The following ROBO2 variants were observed in gnomAD, a reference collection of about 807,000 sequenced individuals.
ROBO2 encodes the protein roundabout homolog 2.
A neutral mutation model predicts 160.8 loss-of-function variants in ROBO2; 53 were observed. That is an observed-to-expected ratio of 0.33 (90% CI 0.26 to 0.41). The LOEUF (loss-of-function observed/expected upper bound fraction) is 0.41, where lower values mean the gene tolerates loss of function less well. ROBO2 is among the 10% of genes least tolerant of loss of function. The pLI is 1.00. For missense variants in ROBO2, 1,577 were observed against 1,722.4 expected (o/e 0.92, Z 1.49); for synonymous variants, 664 against 611.7 (o/e 1.09, Z -1.26).
At chr3:76,172,156 A>G (rs2073062598) in intron 2 of ROBO2, among the ~76,000 whole-genome samples, 1 of 152,022 alleles carries the variant, frequency 6.6e-6, no homozygotes, top group Non-Finnish European at 1.5e-5. Flanking sequence ...TGTCCCTACA[A>G]AGGAGATGAA....
intron 2 of ROBO2, among the ~76,000 whole-genome samples, chr3:77,224,577 G>C (rs1457999339): frequency 2.0e-5 from 3 of 151,866 alleles, no homozygotes; most frequent in African/African-American, 2.4e-5. Flanking sequence ...TTGTATATTT[G>C]AGTTAAATCC....
At chr3:77,635,133 A>T in intron 24 of ROBO2, 90 bp downstream of exon 25, 1 of 1,416,960 alleles carries the variant, frequency 7.1e-7, no homozygotes, top group East Asian at 2.4e-5. Context: ...ATGGTAGATT[A>T]GCCATTGCTT....
At chr3:77,135,385 T>A (rs77180185) in intron 2 of ROBO2, among the ~76,000 whole-genome samples, 2,621 of 152,102 alleles carry the variant, frequency 0.017, 60 homozygotes, top group African/African-American at 0.058. Context: ...TCCAGAGAAA[T>A]CAATCTCTTT....
intron 2 of ROBO2, among the ~76,000 whole-genome samples, chr3:76,515,389 T>A (rs2081300954): frequency 6.6e-6 from 1 of 152,174 alleles, no homozygotes; most frequent in African/African-American, 2.4e-5. Flanking sequence ...AAATGTATAT[T>A]TCCTTTTTTT....
intron 1 of ROBO2, among the ~76,000 whole-genome samples, chr3:77,076,716 C>T (rs1431898201): frequency 6.6e-6 from 1 of 152,138 alleles, no homozygotes; most frequent in Non-Finnish European, 1.5e-5. Context: ...ATAACTAAAG[C>T]ATAACACACA....
intron 2 of ROBO2, among the ~76,000 whole-genome samples, chr3:76,891,255 G>C (rs2074324636): frequency 6.6e-6 from 1 of 151,852 alleles, no homozygotes; most frequent in South Asian, 2.1e-4. Context: ...TTTTTTCTTT[G>C]TGCTAACATT....
intron 2 of ROBO2, among the ~76,000 whole-genome samples, chr3:76,534,805 A>G (rs1249828066): frequency 6.6e-6 from 1 of 152,100 alleles, no homozygotes; most frequent in African/African-American, 2.4e-5. Context: ...TAGGAAAGCA[A>G]GGAGTCCTGA....
intron 2 of ROBO2, among the ~76,000 whole-genome samples, chr3:77,004,693 G>T (rs960865109): frequency 6.6e-6 from 1 of 152,060 alleles, no homozygotes; most frequent in Non-Finnish European, 1.5e-5. Context: ...TAGGCATTTC[G>T]CTTTCAGTAA....
At chr3:77,047,188 A>T (rs2064756664) in intron 1 of ROBO2, among the ~76,000 whole-genome samples, 1 of 152,326 alleles carries the variant, frequency 6.6e-6, no homozygotes. Flanking sequence ...AATGGCAAGA[A>T]GTCTAGATTG....
intron 2 of ROBO2, among the ~76,000 whole-genome samples, chr3:76,251,264 GA>G (rs202168478): frequency 2.7e-3 from 396 of 147,818 alleles, no homozygotes; most frequent in Middle Eastern, 0.014. Context: ...GAAGTAAAAA[GA>G]AAAAAAAAAT....
At chr3:76,597,749 G>C (rs1227146742) in intron 2 of ROBO2, among the ~76,000 whole-genome samples, 2 of 151,624 alleles carry the variant, frequency 1.3e-5, no homozygotes, top group Non-Finnish European at 2.9e-5. Context: ...TTGTGTTCAT[G>C]TGTTTTCATC....
chr3:76,541,440 T>C (rs1316618579), intron 2 of ROBO2, among the ~76,000 whole-genome samples: 2 of 152,162 alleles, frequency 1.3e-5, no homozygotes, highest in Non-Finnish European at 2.9e-5. Flanking sequence ...ATACCTAAGA[T>C]GTATTTTTTT....
At chr3:77,022,240 A>G (rs537427948) in intron 2 of ROBO2, among the ~76,000 whole-genome samples, 1 of 152,114 alleles carries the variant, frequency 6.6e-6, no homozygotes, top group Non-Finnish European at 1.5e-5. Context: ...GGTGGTGACA[A>G]ACGCCTGTAA....
chr3:76,950,132 T>C (rs2078870051), intron 2 of ROBO2, among the ~76,000 whole-genome samples: 1 of 152,222 alleles, frequency 6.6e-6, no homozygotes, highest in Non-Finnish European at 1.5e-5. Context: ...GAGAATTGAA[T>C]GAATTAATAC....
chr3:77,445,794 G>GTTTT (rs199914360), intron 2 of ROBO2, among the ~76,000 whole-genome samples: 11 of 123,092 alleles, frequency 8.9e-5, no homozygotes, highest in African/African-American at 2.9e-4. Context: ...GTTTTTTTTT[G>GTTTT]TTTTTTTTTT....
intron 2 of ROBO2, among the ~76,000 whole-genome samples, chr3:77,454,237 T>C (rs12636320): frequency 0.2 from 29,928 of 151,976 alleles, 3,713 homozygotes; most frequent in Middle Eastern, 0.28. Context: ...TGTTTACCAA[T>C]ATAAACAAGA....
chr3:76,148,536 A>G (rs2072007574), intron 2 of ROBO2, among the ~76,000 whole-genome samples: 1 of 152,056 alleles, frequency 6.6e-6, no homozygotes, highest in Admixed American at 6.6e-5. Flanking sequence ...TCCCAAAAAA[A>G]TCCAAAATGC....
chr3:77,401,279 C>A (rs948041841), intron 2 of ROBO2, among the ~76,000 whole-genome samples: 1 of 147,524 alleles, frequency 6.8e-6, no homozygotes, highest in East Asian at 2.0e-4. Flanking sequence ...AAAAAAAACT[C>A]AAAGAGGGGA....
At chr3:77,453,300 G>A (rs1418120778) in intron 2 of ROBO2, among the ~76,000 whole-genome samples, 1 of 151,862 alleles carries the variant, frequency 6.6e-6, no homozygotes, top group Non-Finnish European at 1.5e-5. Flanking sequence ...TTGAGGCACA[G>A]AGTTAAAGAG....
Sources: gnomAD v4.1 joint callset for allele counts (sites outside exome capture counted in the v4.1 genomes callset) on GRCh38, gnomAD v4.1.1 for gene constraint, MANE v1.5 for transcripts, NCBI Gene and HGNC (gene_info 2026-07-23, HGNC 2026-07-21) for gene names.